SENP7: variants seen among roughly 807,000 people sequenced by gnomAD.
SENP7 encodes SUMO specific peptidase 7.
Under a neutral mutation model 141.2 loss-of-function variants are expected in SENP7, and 64 were observed. That is an observed-to-expected ratio of 0.45 (90% CI 0.37 to 0.56). The LOEUF is 0.56. SENP7 is among the 20% of genes least tolerant of loss of function. The pLI, the probability that SENP7 is intolerant of heterozygous loss-of-function variation, is 0.00. For missense variants in SENP7, 1,025 were observed against 1,212.2 expected, an observed-to-expected ratio of 0.85 and a Z score of 2.29; for synonymous variants, 382 against 426.4, an observed-to-expected ratio of 0.90 and a Z score of 1.28.
chr3:101,431,757 CT>C (rs2062184402), intron 4 of SENP7, among the ~76,000 whole-genome samples: 2 of 149,278 alleles, frequency 1.3e-5, no homozygotes, highest in African/African-American at 4.9e-5. Flanking sequence ...GCACTCCAGC[CT>C]GGCGGACAGA....
intron 3 of SENP7, among the ~76,000 whole-genome samples, chr3:101,477,213 A>G (rs2064254702): frequency 6.6e-6 from 1 of 152,098 alleles, no homozygotes; most frequent in Non-Finnish European, 1.5e-5. Context: ...AAACCTCACC[A>G]AATTTTTAAA....
chr3:101,511,780 C>A (rs755029788), intron 1 of SENP7, among the ~76,000 whole-genome samples: 13 of 152,172 alleles, frequency 8.5e-5, no homozygotes, highest in Non-Finnish European at 8.8e-5. Flanking sequence ...CCACAGGGCA[C>A]TCCTAAATAA....
intron 6 of SENP7, among the ~76,000 whole-genome samples, chr3:101,380,445 C>CCAAACA (rs1553707807): frequency 1.6e-5 from 2 of 128,826 alleles, no homozygotes; most frequent in East Asian, 4.8e-4. Context: ...GCCCCCCCCC[C>CCAAACA]CACACACACA....
At chr3:101,341,008 T>C (rs1042450461) in intron 15 of SENP7, among the ~76,000 whole-genome samples, 11 of 152,220 alleles carry the variant, frequency 7.2e-5, no homozygotes, top group African/African-American at 2.4e-4. Context: ...TCATCCACAT[T>C]GATTTAATCT....
In SENP7 at chr3:101,398,692, A is replaced by G. The variant is rs189532067; in HGVS notation, c.677+169T>C. Among the ~76,000 whole-genome samples the G allele has an allele frequency of 2.1e-4, 32 of 152,320 alleles. No individual in the cohort carries two copies. In the East Asian group the frequency reaches 5.0e-3, roughly 24 times the overall value. ...GTGCTTCTGAAACACATTATTAGCC[A>G]TGGACTGTTGGTTCCAATAGCCATT... On this transcript the variant is annotated intron_variant, in intron 6 of 23. Coordinates refer to ENST00000394095, the MANE Select transcript of SENP7 (RefSeq NM_020654.5).
intron 6 of SENP7, among the ~76,000 whole-genome samples, chr3:101,397,408 T>C (rs1247410249): frequency 2.6e-5 from 4 of 152,164 alleles, no homozygotes; most frequent in African/African-American, 9.7e-5. Flanking sequence ...GCTAGGATTA[T>C]AGGCATGAGC....
chr3:101,508,677 C>G (rs2065729163), intron 1 of SENP7, among the ~76,000 whole-genome samples: 1 of 152,178 alleles, frequency 6.6e-6, no homozygotes, highest in African/African-American at 2.4e-5. Context: ...CAAATGCAAA[C>G]CTTTCATTCT....
chr3:101,399,155 C>T lies in SENP7; in HGVS notation c.483-100G>A, dbSNP rs188517247. On this transcript the variant is annotated intron_variant, in intron 5 of 23. Coordinates refer to ENST00000394095, the MANE Select transcript of SENP7 (RefSeq NM_020654.5). ...ATTTTCAATCATTGCCATCTTAGCA[C>T]AAGAAAGCTGTTCGAACTACACCAC... 110 of 706,886 alleles carry T rather than the reference C, an allele frequency of 1.6e-4. No individual in the cohort carries two copies. In the Admixed American group the frequency reaches 2.1e-3, roughly 13 times the overall value. 43.8% of individuals were successfully genotyped at this position (706,886 alleles called of 1,614,324 possible). A position where few individuals can be genotyped will look rare whatever the true frequency, so the allele number is the denominator to read the frequency against.
intron 6 of SENP7, among the ~76,000 whole-genome samples, chr3:101,397,331 C>T (rs2060999150): frequency 6.6e-6 from 1 of 152,052 alleles, no homozygotes; most frequent in Non-Finnish European, 1.5e-5. Flanking sequence ...CAAGATCTCA[C>T]TATGCCTCCT....
intron 3 of SENP7, among the ~76,000 whole-genome samples, chr3:101,462,554 G>A (rs1235449102): frequency 6.7e-6 from 1 of 148,590 alleles, no homozygotes; most frequent in Non-Finnish European, 1.5e-5. Flanking sequence ...AAAAAAAAAA[G>A]AAAGAAAGAA....
chr3:101,339,436 G>A (rs1185199154), intron 16 of SENP7, among the ~76,000 whole-genome samples: 4 of 152,124 alleles, frequency 2.6e-5, no homozygotes, highest in Non-Finnish European at 5.9e-5. Flanking sequence ...AGTTGGGGGA[G>A]AAATTAAGTG....
intron 4 of SENP7, among the ~76,000 whole-genome samples, chr3:101,427,778 T>A (rs1038476948): frequency 6.6e-6 from 1 of 152,174 alleles, no homozygotes; most frequent in African/African-American, 2.4e-5. Context: ...ACATGTGCCA[T>A]GGTGCTTTGC....
At chr3:101,407,799 A>C (rs1056223849) in intron 5 of SENP7, among the ~76,000 whole-genome samples, 1 of 152,186 alleles carries the variant, frequency 6.6e-6, no homozygotes, top group Non-Finnish European at 1.5e-5. Context: ...TGCTAAGAGG[A>C]AAGTTCATAG....
chr3:101,381,555 A>G (rs1396511721), intron 6 of SENP7, among the ~76,000 whole-genome samples: 1 of 152,104 alleles, frequency 6.6e-6, no homozygotes, highest in African/African-American at 2.4e-5. Flanking sequence ...TAATATAAAT[A>G]TGCATTATTG....
At chr3:101,496,160 T>A (rs12494650) in intron 2 of SENP7, among the ~76,000 whole-genome samples, 1 of 152,038 alleles carries the variant, frequency 6.6e-6, no homozygotes, top group Non-Finnish European at 1.5e-5. Flanking sequence ...TCTGGTTGTG[T>A]CTGGGTGGCC....
At chr3:101,463,380 T>TATATATATATATACATAC (rs1553744719) in intron 3 of SENP7, among the ~76,000 whole-genome samples, 3 of 72,142 alleles carry the variant, frequency 4.2e-5, no homozygotes, top group East Asian at 9.3e-4. Context: ...TATATATATA[T>TATATATATATATACATAC]ATATATATAT....
At chr3:101,434,597 G>A (rs1283240705) in intron 4 of SENP7, among the ~76,000 whole-genome samples, 1 of 152,008 alleles carries the variant, frequency 6.6e-6, no homozygotes, top group Non-Finnish European at 1.5e-5. Context: ...CATTACAACT[G>A]ATACTACAGA....
chr3:101,511,652 T>A (rs1284868265), intron 1 of SENP7, among the ~76,000 whole-genome samples: 1 of 152,316 alleles, frequency 6.6e-6, no homozygotes, highest in East Asian at 1.9e-4. Flanking sequence ...AGAACATCGA[T>A]AACATTGGTT....
chr3:101,340,281 G>C, intron 15 of SENP7, 70 bp from the exon 16 acceptor site: 1 of 1,482,272 alleles, frequency 6.7e-7, no homozygotes, highest in African/African-American at 1.5e-5. Flanking sequence ...TTTCTTATAT[G>C]AAACAATAAC....
Sources: gnomAD v4.1 joint callset for allele counts (sites outside exome capture counted in the v4.1 genomes callset) on GRCh38, gnomAD v4.1.1 for gene constraint, MANE v1.5 for transcripts, NCBI Gene and HGNC (gene_info 2026-07-23, HGNC 2026-07-21) for gene names.